SEMA6D: variants seen among roughly 807,000 people sequenced by gnomAD.
SEMA6D encodes the protein semaphorin 6D.
A neutral mutation model predicts 106.6 loss-of-function variants in SEMA6D; 35 were observed. The observed-to-expected ratio is 0.33, with a 90% CI of 0.25 to 0.44. The LOEUF is 0.44. SEMA6D is among the 20% of genes least tolerant of loss of function. The pLI is 1.00. For missense variants in SEMA6D, 1,185 were observed against 1,345.9 expected, an observed-to-expected ratio of 0.88 and a Z score of 1.87; for synonymous variants, 499 against 487.7, an observed-to-expected ratio of 1.02 and a Z score of -0.31.
intron 4 of SEMA6D, among the ~76,000 whole-genome samples, chr15:47,704,781 G>C (rs571984457): frequency 6.6e-6 from 1 of 152,104 alleles, no homozygotes; most frequent in Non-Finnish European, 1.5e-5. Flanking sequence ...AATAACAGTA[G>C]CAATTGATGA....
chr15:47,706,183 AAACACTATTTTTTC>A (rs1216011959), intron 4 of SEMA6D, among the ~76,000 whole-genome samples: 1 of 152,186 alleles, frequency 6.6e-6, no homozygotes, highest in Non-Finnish European at 1.5e-5. Flanking sequence ...ATCAAAAGTC[AAACACTATTTTTTC>A]AACATTTGAC....
At chr15:47,647,943 G>A (rs1392489736) in intron 4 of SEMA6D, among the ~76,000 whole-genome samples, 2 of 152,006 alleles carry the variant, frequency 1.3e-5, no homozygotes, top group East Asian at 1.9e-4. Context: ...CATCCTTTCC[G>A]CACACTCACG....
intron 1 of SEMA6D, among the ~76,000 whole-genome samples, chr15:47,309,607 G>A (rs2036366106): frequency 6.6e-6 from 1 of 152,098 alleles, no homozygotes; most frequent in Non-Finnish European, 1.5e-5. Context: ...ACTATCCATG[G>A]TTTTGTCTAT....
At chr15:47,250,857 T>G (rs2033477943) in intron 1 of SEMA6D, among the ~76,000 whole-genome samples, 1 of 152,236 alleles carries the variant, frequency 6.6e-6, no homozygotes, top group Non-Finnish European at 1.5e-5. Flanking sequence ...TGTTTTCACC[T>G]TAGAAATTTT....
At chr15:47,675,771 C>T (rs1444055540) in intron 4 of SEMA6D, among the ~76,000 whole-genome samples, 1 of 152,228 alleles carries the variant, frequency 6.6e-6, no homozygotes, top group Non-Finnish European at 1.5e-5. Flanking sequence ...CTGGCACTGG[C>T]TTCTGTGGTG....
intron 2 of SEMA6D, among the ~76,000 whole-genome samples, chr15:47,425,575 CT>C (rs983825807): frequency 6.6e-6 from 1 of 151,946 alleles, no homozygotes; most frequent in Non-Finnish European, 1.5e-5. Flanking sequence ...TTTTTTACCC[CT>C]TGGAATAATA....
At chr15:47,233,461 T>G (rs963048712) in intron 1 of SEMA6D, among the ~76,000 whole-genome samples, 1 of 152,026 alleles carries the variant, frequency 6.6e-6, no homozygotes, top group African/African-American at 2.4e-5. Flanking sequence ...GCTTGCCAAT[T>G]TACGCAAAAC....
At chr15:47,470,211 T>C (rs1218595240) in intron 2 of SEMA6D, among the ~76,000 whole-genome samples, 1 of 152,178 alleles carries the variant, frequency 6.6e-6, no homozygotes, top group Non-Finnish European at 1.5e-5. Context: ...TCCATGTCCT[T>C]GTTCCACCTA....
intron 1 of SEMA6D, among the ~76,000 whole-genome samples, chr15:47,210,047 C>T (rs1420936691): frequency 6.6e-6 from 1 of 152,124 alleles, no homozygotes; most frequent in Non-Finnish European, 1.5e-5. Context: ...AATAGATGTC[C>T]TATTTCTGGA....
chr15:47,709,702 T>TA (rs1300575979), intron 4 of SEMA6D, among the ~76,000 whole-genome samples: 2 of 152,178 alleles, frequency 1.3e-5, no homozygotes, highest in Admixed American at 6.5e-5. Flanking sequence ...CACCGTCTCT[T>TA]AGAGTATCTG....
chr15:47,562,570 A>T (rs2046111932), intron 3 of SEMA6D, among the ~76,000 whole-genome samples: 1 of 152,104 alleles, frequency 6.6e-6, no homozygotes, highest in South Asian at 2.1e-4. Context: ...ACCTAAAAAG[A>T]CATCTATATG....
At chr15:47,460,160 C>T (rs1395949529) in intron 2 of SEMA6D, among the ~76,000 whole-genome samples, 3 of 151,972 alleles carry the variant, frequency 2.0e-5, no homozygotes, top group South Asian at 2.1e-4. Context: ...TCAGCTATGG[C>T]GAGGAATTCT....
chr15:47,422,386 G>A lies in SEMA6D; in HGVS notation c.-159+9914G>A, dbSNP rs145586440. The stretch of plus-strand genomic sequence containing the variant: ...TAAAACAGATAAGTTTCCAAGCTCA[G>A]TTTCTTGATTGATACTACCTTTTCA... On this transcript the variant is annotated intron_variant, in intron 2 of 19. Transcript: ENST00000558014. Among the ~76,000 whole-genome samples, 433 of 152,104 alleles carry A rather than the reference G, an allele frequency of 2.8e-3. 2 individuals are homozygous for A. Among genetic ancestry groups the A allele is most frequent in the South Asian group, 0.013 (62 of 4,822 alleles).
At chr15:47,379,137 G>T (rs1490059866) in intron 1 of SEMA6D, among the ~76,000 whole-genome samples, 1 of 152,188 alleles carries the variant, frequency 6.6e-6, no homozygotes, top group Non-Finnish European at 1.5e-5. Context: ...AACTGGTTAA[G>T]ACGTCTTTTA....
intron 1 of SEMA6D, among the ~76,000 whole-genome samples, chr15:47,379,533 A>G (rs2145584791): frequency 6.6e-6 from 1 of 152,286 alleles, no homozygotes; most frequent in South Asian, 2.1e-4. Flanking sequence ...AGCAACTGAG[A>G]TGAGGCAAAT....
At chr15:47,562,298 A>T (rs1332570389) in intron 3 of SEMA6D, among the ~76,000 whole-genome samples, 1 of 152,058 alleles carries the variant, frequency 6.6e-6, no homozygotes, top group African/African-American at 2.4e-5. Flanking sequence ...CTAAAAACTT[A>T]TTTCAAATGC....
At chr15:47,452,726 T>C (rs1252773588) in intron 2 of SEMA6D, among the ~76,000 whole-genome samples, 1 of 151,938 alleles carries the variant, frequency 6.6e-6, no homozygotes, top group East Asian at 1.9e-4. Context: ...CCATAGCAAA[T>C]TGTTTGACCT....
intron 1 of SEMA6D, among the ~76,000 whole-genome samples, chr15:47,279,511 C>G (rs1035665096): frequency 6.7e-5 from 10 of 148,456 alleles, no homozygotes; most frequent in African/African-American, 2.0e-4. Context: ...AATTGAATAC[C>G]CTTTATTTCC....
intron 1 of SEMA6D, among the ~76,000 whole-genome samples, chr15:47,299,383 G>C (rs1023014194): frequency 1.3e-5 from 2 of 152,150 alleles, no homozygotes; most frequent in African/African-American, 4.8e-5. Flanking sequence ...AACCTTCGAA[G>C]ACTGTTTTTA....
Sources: gnomAD v4.1 joint callset for allele counts (sites outside exome capture counted in the v4.1 genomes callset) on GRCh38, gnomAD v4.1.1 for gene constraint, MANE v1.5 for transcripts, NCBI Gene and HGNC (gene_info 2026-07-23, HGNC 2026-07-21) for gene names.